Variants in CTNND2 observed in about 807,000 individuals in gnomAD.
CTNND2 encodes catenin delta-2.
In CTNND2, 22 loss-of-function variants were observed where a neutral mutation model predicts 144.4. That is an observed-to-expected ratio of 0.15 (90% CI 0.11 to 0.22). The LOEUF (loss-of-function observed/expected upper bound fraction) is 0.22, where lower values mean the gene tolerates loss of function less well. Among genes scored for constraint, CTNND2 ranks in the 10% least tolerant of loss-of-function variants. The pLI is 1.00. For synonymous variants in CTNND2, 751 were observed against 695.6 expected (o/e 1.08, Z -1.25); for missense variants, 1,353 against 1,618.8 (o/e 0.84, Z 2.82).
chr5:11,188,127 A>G (rs1204540537), intron 11 of CTNND2, among the ~76,000 whole-genome samples: 2 of 152,204 alleles, frequency 1.3e-5, no homozygotes, highest in Non-Finnish European at 2.9e-5. Context: ...AATAAAAATC[A>G]TTCTATTATA....
intron 9 of CTNND2, among the ~76,000 whole-genome samples, chr5:11,332,832 TCCCTATA>T: frequency 1.3e-5 from 2 of 152,274 alleles, no homozygotes; most frequent in Middle Eastern, 3.4e-3. Context: ...ATAATTGAAT[TCCCTATA>T]CTGCTCTTGT....
intron 3 of CTNND2, among the ~76,000 whole-genome samples, chr5:11,526,308 T>G (rs1240035274): frequency 2.0e-5 from 3 of 152,230 alleles, no homozygotes; most frequent in African/African-American, 7.2e-5. Context: ...TTTGGTGATG[T>G]TTTTGTGACC....
At chr5:11,879,361 A>ATATATATGTATATATATATATATATG (rs1735846784) in intron 1 of CTNND2, among the ~76,000 whole-genome samples, 2 of 144,556 alleles carry the variant, frequency 1.4e-5, no homozygotes, top group Non-Finnish European at 3.0e-5. Context: ...ATATATACAT[A>ATATATATGTATATATATATATATATG]TACACACACA....
chr5:11,115,791 C>T (rs148438829), intron 13 of CTNND2, among the ~76,000 whole-genome samples: 12 of 152,306 alleles, frequency 7.9e-5, no homozygotes, highest in East Asian at 1.9e-4. Context: ...AAAGGGCTGA[C>T]GTCCCAGAGG....
At chr5:11,111,997 C>T (rs1753037333) in intron 13 of CTNND2, among the ~76,000 whole-genome samples, 1 of 151,976 alleles carries the variant, frequency 6.6e-6, no homozygotes, top group African/African-American at 2.4e-5. Flanking sequence ...CAGGCACCCG[C>T]CACTACGCCC....
At chr5:11,311,192 C>A (rs573100392) in intron 9 of CTNND2, among the ~76,000 whole-genome samples, 2 of 147,410 alleles carry the variant, frequency 1.4e-5, no homozygotes, top group Non-Finnish European at 3.0e-5. Flanking sequence ...ACACACTCCC[C>A]ATACACCCTC....
chr5:11,274,526 A>C (rs932897495), intron 9 of CTNND2, among the ~76,000 whole-genome samples: 1 of 152,152 alleles, frequency 6.6e-6, no homozygotes, highest in African/African-American at 2.4e-5. Context: ...TGGGAGAGTA[A>C]TTAGAAAATA....
intron 11 of CTNND2, among the ~76,000 whole-genome samples, chr5:11,179,937 C>G (rs1463339597): frequency 1.3e-5 from 2 of 152,172 alleles, no homozygotes; most frequent in Non-Finnish European, 2.9e-5. Flanking sequence ...AAATAATAAA[C>G]TAAAGGCTCT....
chr5:11,446,390 T>C (rs1440219218), intron 3 of CTNND2, among the ~76,000 whole-genome samples: 1 of 152,168 alleles, frequency 6.6e-6, no homozygotes, highest in Non-Finnish European at 1.5e-5. Flanking sequence ...CCTACTCCAG[T>C]AGCGTGAAGA....
At chr5:11,219,650 C>A (rs26040) in intron 10 of CTNND2, among the ~76,000 whole-genome samples, 117,913 of 152,026 alleles carry the variant, frequency 0.78, 45,882 homozygotes, top group East Asian at 0.88. Flanking sequence ...AAGAAGAAAG[C>A]AGAGAGAGGG....
At chr5:11,831,242 G>GAA (rs61550378) in intron 1 of CTNND2, among the ~76,000 whole-genome samples, 2 of 102,688 alleles carry the variant, frequency 1.9e-5, no homozygotes, top group East Asian at 2.6e-4. Context: ...AGTATTAACA[G>GAA]AAAAAAAAAA....
intron 13 of CTNND2, among the ~76,000 whole-genome samples, chr5:11,114,295 G>T (rs11133641): frequency 0.14 from 21,659 of 152,056 alleles, 2,441 homozygotes; most frequent in East Asian, 0.45. Context: ...TCTGCAGTTG[G>T]GAAAAATGCT....
intron 8 of CTNND2, among the ~76,000 whole-genome samples, chr5:11,353,897 T>A (rs1755599227): frequency 6.6e-6 from 1 of 151,924 alleles, no homozygotes; most frequent in Non-Finnish European, 1.5e-5. Context: ...CAGAAAGGGA[T>A]TAGGGGAAGG....
In CTNND2 at chr5:11,703,116, C is replaced by T. The variant is rs147763673; in HGVS notation, c.174+29020G>A. Among the ~76,000 whole-genome samples, 407 of 152,288 alleles carry T rather than the reference C, an allele frequency of 2.7e-3. 3 individuals carry two copies. Among genetic ancestry groups the T allele is most frequent in the African/African-American group, 9.4e-3 (391 of 41,550 alleles). ...GGGGTTAAGAGTTGGGTAGAGTCTG[C>T]AGGCTCCATCCAAATAGGCTAAGAG... On this transcript the variant is annotated intron_variant, in intron 2 of 21. Transcript: ENST00000304623.
At chr5:11,700,098 A>T (rs760835571) in intron 2 of CTNND2, among the ~76,000 whole-genome samples, 2 of 152,130 alleles carry the variant, frequency 1.3e-5, no homozygotes, top group Non-Finnish European at 2.9e-5. Context: ...TGAAAGATTT[A>T]ATCACTTGGC....
intron 1 of CTNND2, among the ~76,000 whole-genome samples, chr5:11,858,997 T>C (rs1444296278): frequency 6.6e-6 from 1 of 152,194 alleles, no homozygotes; most frequent in African/African-American, 2.4e-5. Flanking sequence ...ATATACGCTG[T>C]CCCCAAGTTA....
chr5:11,013,063 G>A (rs1741253867), intron 18 of CTNND2, among the ~76,000 whole-genome samples: 1 of 152,108 alleles, frequency 6.6e-6, no homozygotes, highest in African/African-American at 2.4e-5. Context: ...TTCCCCTCAC[G>A]CTTCTTCCCT....
intron 16 of CTNND2, among the ~76,000 whole-genome samples, chr5:11,032,407 A>G (rs1441336986): frequency 1.3e-5 from 2 of 152,240 alleles, no homozygotes; most frequent in African/African-American, 2.4e-5. Context: ...TTTGCACACT[A>G]TAAATATATC....
chr5:11,161,640 T>C (rs1758773099), intron 11 of CTNND2, among the ~76,000 whole-genome samples: 1 of 152,156 alleles, frequency 6.6e-6, no homozygotes, highest in Non-Finnish European at 1.5e-5. Flanking sequence ...AAAAAGAAAT[T>C]AGTATCTACC....
Sources: gnomAD v4.1 joint callset for allele counts (sites outside exome capture counted in the v4.1 genomes callset) on GRCh38, gnomAD v4.1.1 for gene constraint, MANE v1.5 for transcripts, NCBI Gene and HGNC (gene_info 2026-07-23, HGNC 2026-07-21) for gene names.